PHKA1: variants seen among roughly 807,000 people sequenced by gnomAD.
PHKA1 encodes the protein phosphorylase kinase regulatory subunit alpha 1, also known as phosphorylase b kinase regulatory subunit alpha, skeletal muscle isoform.
Under a neutral mutation model 110.2 loss-of-function variants are expected in PHKA1, and 60 were observed. That is an observed-to-expected ratio of 0.54 (90% CI 0.44 to 0.68). The LOEUF is 0.68. PHKA1 is among the 30% of genes least tolerant of loss of function. The pLI, the probability that PHKA1 is intolerant of heterozygous loss-of-function variation, is 0.00. For missense variants in PHKA1, 801 were observed against 942.5 expected (o/e 0.85, Z 1.97); for synonymous variants, 316 against 333.6 (o/e 0.95, Z 0.58).
chrX:72,638,169 CAT>C (rs1171574549), intron 14 of PHKA1, among the ~76,000 whole-genome samples: 1 of 109,376 alleles, frequency 9.1e-6, no homozygotes, highest in Non-Finnish European at 1.9e-5. Flanking sequence ...AAAACCATGT[CAT>C]GTGTGAATGG....
chrX:72,699,348 CA>C (rs782487258), intron 3 of PHKA1, among the ~76,000 whole-genome samples: 1 of 105,485 alleles, frequency 9.5e-6, no homozygotes, highest in Non-Finnish European at 2.0e-5. Context: ...ACTAAAAATA[CA>C]AAAAAAAATT....
chrX:72,592,820 T>G (rs1556227411), intron 29 of PHKA1, among the ~76,000 whole-genome samples: 1 of 112,379 alleles, frequency 8.9e-6, no homozygotes, highest in Admixed American at 9.4e-5. Context: ...TAGCAGCAAA[T>G]GTATCACAAT....
chrX:72,652,450 G>C lies in PHKA1; in HGVS notation c.1245+94C>G, dbSNP rs2053441559. ...TTAAGGCAAAGTGCAAAAGGCAGAA[G>C]ACATCCTTCAGATTTAATGAGCTAC... is the stretch of plus-strand genomic sequence containing the variant. On this transcript the variant is annotated intron_variant, in intron 12 of 31. Transcript: ENST00000373542. 8.8e-6 allele frequency: 5 copies of C among 569,482 alleles called. No individual in the cohort carries two copies. The Admixed American group carries it at 1.3e-4, about 15-fold the overall frequency. The allele number at this position is 569,482 out of a possible 1,213,427, so 46.9% of individuals were successfully genotyped here. A position where few individuals can be genotyped will look rare whatever the true frequency, so the allele number is the denominator to read the frequency against.
intron 5 of PHKA1, among the ~76,000 whole-genome samples, chrX:72,683,762 T>C (rs982395324): frequency 8.0e-5 from 9 of 112,432 alleles, no homozygotes; most frequent in Admixed American, 1.9e-4. Context: ...CTAAGCATAA[T>C]GCCTTTGAGA....
chrX:72,663,602 A>G lies in PHKA1; in HGVS notation c.864+2549T>C, dbSNP rs191568877. Among the ~76,000 whole-genome samples the G allele has an allele frequency of 8.2e-3, 918 of 111,386 alleles. 5 individuals are homozygous for G. The highest frequency in any genetic ancestry group is 0.013 in the Non-Finnish European group (697 of 53,026). On this transcript the variant is annotated intron_variant, in intron 8 of 31. Transcript: ENST00000373542. ...AGTCAAAATGTCAAAAGTCAAAGAC[A>G]AAGAGAAAATTTTAAAAACAGCAAG...
At chrX:72,672,667 A>G (rs1418075992) in intron 6 of PHKA1, among the ~76,000 whole-genome samples, 1 of 112,225 alleles carries the variant, frequency 8.9e-6, no homozygotes, top group Non-Finnish European at 1.9e-5. Flanking sequence ...AAGTTTCAAT[A>G]CGAATTTTGG....
chrX:72,606,159 C>T (rs1476755121), intron 23 of PHKA1, among the ~76,000 whole-genome samples: 7 of 111,586 alleles, frequency 6.3e-5, no homozygotes, highest in Admixed American at 3.8e-4. Flanking sequence ...TTGAAATATA[C>T]AATACATTGT....
intron 29 of PHKA1, among the ~76,000 whole-genome samples, chrX:72,589,331 T>C (rs781964947): frequency 8.9e-6 from 1 of 111,835 alleles, no homozygotes; most frequent in South Asian, 3.8e-4. Context: ...AAAAACCACA[T>C]GATTAACTCA....
chrX:72,608,606 C>G (rs1480300051), intron 23 of PHKA1, among the ~76,000 whole-genome samples: 2 of 111,065 alleles, frequency 1.8e-5, no homozygotes, highest in East Asian at 2.8e-4. Context: ...TTTCTCTAAG[C>G]CTTCATATGG....
intron 15 of PHKA1, among the ~76,000 whole-genome samples, chrX:72,636,053 T>C (rs952701563): frequency 2.7e-4 from 30 of 112,051 alleles, no homozygotes; most frequent in Admixed American, 1.9e-4. Context: ...ATCCTTAGTT[T>C]CTGCAATACC....
Position 72,584,136 on chromosome X carries a change from T to G in PHKA1, c.3297+113A>C, listed in dbSNP as rs1006372217. On this transcript the variant is annotated intron_variant, in intron 30 of 31. Transcript: ENST00000373542. ...GTCTTTTCTTCAAATGCATTTCATG[T>G]TCAGTTGATTTATAAAAGCATGGAT... 3.3e-5 allele frequency: 21 copies of G among 628,428 alleles called. No individual in the cohort carries two copies. Among genetic ancestry groups the G allele is most frequent in the Non-Finnish European group, 5.2e-5 (20 of 382,556 alleles). 51.8% of individuals were successfully genotyped at this position (628,428 alleles called of 1,213,427 possible). A position where few individuals can be genotyped will look rare whatever the true frequency, so the allele number is the denominator to read the frequency against.
chrX:72,621,153 A>G (rs139610287), intron 18 of PHKA1, among the ~76,000 whole-genome samples: 1 of 111,438 alleles, frequency 9.0e-6, no homozygotes, highest in African/African-American at 3.3e-5. Flanking sequence ...GGGTTCTTGA[A>G]AGCAGTATGA....
At chrX:72,629,690 T>C (rs1454105915) in intron 16 of PHKA1, among the ~76,000 whole-genome samples, 1 of 111,973 alleles carries the variant, frequency 8.9e-6, no homozygotes, top group Non-Finnish European at 1.9e-5. Context: ...TATTTGTACC[T>C]CTGTTCTTCA....
chrX:72,698,610 A>C (rs2054161122), intron 3 of PHKA1, among the ~76,000 whole-genome samples: 1 of 112,707 alleles, frequency 8.9e-6, no homozygotes, highest in South Asian at 3.6e-4. Context: ...TGTAATTTTT[A>C]ATAAATAAGA....
chrX:72,688,587 T>C (rs1264563684), intron 4 of PHKA1, among the ~76,000 whole-genome samples: 1 of 112,356 alleles, frequency 8.9e-6, no homozygotes, highest in Non-Finnish European at 1.9e-5. Context: ...GATCTTGAAA[T>C]CCTACTGTTC....
intron 13 of PHKA1, 125 bp downstream of exon 13, chrX:72,650,265 A>G: frequency 1.9e-6 from 1 of 538,411 alleles, no homozygotes; most frequent in Non-Finnish European, 3.2e-6. Context: ...AGTTCATTGT[A>G]TACATTTTGA....
chrX:72,696,434 C>T (rs2054113688), intron 3 of PHKA1, among the ~76,000 whole-genome samples: 1 of 111,374 alleles, frequency 9.0e-6, no homozygotes, highest in South Asian at 3.8e-4. Context: ...AATCTGCCTC[C>T]CATTCTATTC....
At chrX:72,589,356 G>C (rs1389397544) in intron 29 of PHKA1, among the ~76,000 whole-genome samples, 1 of 111,636 alleles carries the variant, frequency 9.0e-6, no homozygotes, top group Non-Finnish European at 1.9e-5. Context: ...ATGCAGAAAA[G>C]GCCTTCAACA....
chrX:72,604,255 T>C (rs1437821382), intron 25 of PHKA1, among the ~76,000 whole-genome samples: 1 of 111,592 alleles, frequency 9.0e-6, no homozygotes, highest in African/African-American at 3.3e-5. Context: ...TTCCACTATT[T>C]ACTAGCTATG....
Sources: allele counts gnomAD v4.1 joint callset (sites outside exome capture counted in the v4.1 genomes callset), GRCh38; gene constraint gnomAD v4.1.1; transcripts MANE v1.5; gene names NCBI Gene and HGNC (gene_info 2026-07-23, HGNC 2026-07-21).